MICU2: variants seen among roughly 807,000 people sequenced by gnomAD.
MICU2 encodes the protein mitochondrial calcium uptake 2.
A neutral mutation model predicts 60.4 loss-of-function variants in MICU2; 64 were observed. That is an observed-to-expected ratio of 1.06 (90% CI 0.87 to 1.31). The LOEUF (loss-of-function observed/expected upper bound fraction) is 1.31, where lower values mean the gene tolerates loss of function less well. Ranked by LOEUF, MICU2 falls within the 50% of genes most tolerant of loss-of-function variation. The probability of loss-of-function intolerance (pLI) is 0.00; values close to 1 mark genes in which losing one functional copy is unlikely to be tolerated. For missense variants in MICU2, 569 were observed against 531.0 expected, an observed-to-expected ratio of 1.07 and a Z score of -0.70; for synonymous variants, 201 against 175.0, an observed-to-expected ratio of 1.15 and a Z score of -1.17.
chr13:21,548,183 T>C (rs772435371), intron 2 of MICU2, among the ~76,000 whole-genome samples: 2 of 152,200 alleles, frequency 1.3e-5, no homozygotes, highest in African/African-American at 4.8e-5. Flanking sequence ...TGATCCATTA[T>C]ACAGAAAAAG....
chr13:21,593,772 G>A (rs1159389402), intron 1 of MICU2, among the ~76,000 whole-genome samples: 2 of 152,024 alleles, frequency 1.3e-5, no homozygotes, highest in Non-Finnish European at 2.9e-5. Context: ...ACAAAAACAA[G>A]CAATGGGGAA....
At chr13:21,545,541 T>C (rs1593337117) in intron 2 of MICU2, among the ~76,000 whole-genome samples, 1 of 151,438 alleles carries the variant, frequency 6.6e-6, no homozygotes, top group East Asian at 1.9e-4. Flanking sequence ...AATTGATGGG[T>C]GTGGTGGCGG....
intron 2 of MICU2, among the ~76,000 whole-genome samples, chr13:21,562,823 C>T (rs1383115026): frequency 6.6e-6 from 1 of 152,026 alleles, no homozygotes; most frequent in Non-Finnish European, 1.5e-5. Flanking sequence ...TCATGTATTC[C>T]TTTTCTACCT....
At chr13:21,515,106 G>A (rs1359950966) in intron 6 of MICU2, among the ~76,000 whole-genome samples, 43 of 130,162 alleles carry the variant, frequency 3.3e-4, no homozygotes, top group African/African-American at 1.5e-3. Context: ...TTTTGAGACG[G>A]AGTCTCGCTC....
Position 21,566,837 on chromosome 13 carries a change from T to C in MICU2, c.318A>G (p.Pro106=). 1.9e-6 allele frequency: 3 copies of C among 1,610,080 alleles called. No individual in the cohort carries two copies. The highest frequency in any genetic ancestry group is 2.5e-6 in the Non-Finnish European group (3 of 1,178,360). Residue 106 remains proline, a synonymous_variant, in exon 2 of 12, where the codon CCA becomes CCG. Coordinates refer to ENST00000382374, the MANE Select transcript of MICU2 (RefSeq NM_152726.3). ...LEHEGEYYMT[P]RDFLFSVMFE... is the part of the protein sequence containing the mutation. Reference sequence around the variant, plus strand: ...ACATCACTGAGAAGAGGAAGTCTCGTGGTGTCATATAATATTCTCCTTCAT... The same window carrying C: ...ACATCACTGAGAAGAGGAAGTCTCGCGGTGTCATATAATATTCTCCTTCAT...
chr13:21,494,030 C>G lies in MICU2; in HGVS notation c.1201-677G>C, dbSNP rs551441993. On this transcript the variant is annotated intron_variant, in intron 11 of 11. Coordinates refer to ENST00000382374, the MANE Select transcript of MICU2 (RefSeq NM_152726.3). ...TCTTTTTCTTATGACTGATTTACAG[C>G]TTTTCTTTTTAATGTCTTCTGAGAA... is the stretch of plus-strand genomic sequence containing the variant. 2.0e-5 allele frequency among the ~76,000 whole-genome samples: 3 copies of G among 152,210 alleles called. No individual in the cohort carries two copies. In the South Asian group the frequency reaches 6.2e-4, roughly 32 times the overall value.
At chr13:21,573,778 G>A (rs1888167566) in intron 1 of MICU2, among the ~76,000 whole-genome samples, 2 of 151,542 alleles carry the variant, frequency 1.3e-5, no homozygotes, top group Admixed American at 6.6e-5. Context: ...ACATAATTAA[G>A]ATTATTCTGA....
intron 2 of MICU2, among the ~76,000 whole-genome samples, chr13:21,542,454 C>T (rs1398745560): frequency 1.3e-5 from 2 of 152,122 alleles, no homozygotes; most frequent in African/African-American, 4.8e-5. Context: ...GGGGACACTC[C>T]TGTCTCTCTT....
chr13:21,599,654 A>T (rs1888771845), intron 1 of MICU2, among the ~76,000 whole-genome samples: 1 of 152,216 alleles, frequency 6.6e-6, no homozygotes, highest in African/African-American at 2.4e-5. Flanking sequence ...TGTCTTTTGA[A>T]TTCATCCACT....
intron 5 of MICU2, among the ~76,000 whole-genome samples, chr13:21,521,617 G>A (rs949932581): frequency 6.6e-6 from 1 of 152,124 alleles, no homozygotes; most frequent in African/African-American, 2.4e-5. Context: ...AGCTGCACTA[G>A]GGGCTTTTCT....
chr13:21,554,740 G>T (rs1354828014), intron 2 of MICU2, among the ~76,000 whole-genome samples: 1 of 152,108 alleles, frequency 6.6e-6, no homozygotes, highest in Non-Finnish European at 1.5e-5. Context: ...CCAGGAGCTG[G>T]TTTTTTGAAA....
At chr13:21,504,314 G>A (rs1886243918) in intron 8 of MICU2, among the ~76,000 whole-genome samples, 1 of 151,904 alleles carries the variant, frequency 6.6e-6, no homozygotes. Context: ...TTGCAAATGA[G>A]TGTACACTGA....
chr13:21,563,127 T>G (rs2476639), intron 2 of MICU2, among the ~76,000 whole-genome samples: 52,582 of 152,032 alleles, frequency 0.35, 9,472 homozygotes, highest in Non-Finnish European at 0.4. Flanking sequence ...CTTCTTTGGC[T>G]TCTTTCAAGA....
rs368352095 is a variant in MICU2 at position 21,503,025 on chromosome 13, C to T, written c.834G>A (p.Met278Ile). ...GCCACTCTGCAAAGTCTTCTTTTCT[C>T]ATGAAACTCAAACCTTTAGAAAACT... ...FLQFSKGLSF[M>I]RKEDFAEWLL... The change falls in exon 9 of 12, where the codon ATG becomes ATA. Residue 278 changes from methionine to isoleucine, a missense_variant. Coordinates refer to ENST00000382374, the MANE Select transcript of MICU2 (RefSeq NM_152726.3). 2.5e-6 allele frequency: 4 copies of T among 1,610,636 alleles called. No homozygotes were observed. Among genetic ancestry groups the T allele is most frequent in the African/African-American group, 1.3e-5 (1 of 74,896 alleles).
At position 21,566,788 on chromosome 13, in the gene MICU2, C is replaced by A; in HGVS notation, c.358+9G>T. ...TTTTTTAATTAAAAAAAAAAAAGAC[C>A]CAACTCACGTTCCATTTGCTCAAAC... On this transcript the variant is annotated intron_variant, in intron 2 of 11. Coordinates refer to ENST00000382374, the MANE Select transcript of MICU2 (RefSeq NM_152726.3). 3.3e-6 allele frequency: 5 copies of A among 1,534,434 alleles called. No homozygotes were observed. The highest frequency in any genetic ancestry group is 2.5e-5 in the South Asian group (2 of 78,522).
At chr13:21,580,222 G>A (rs1020645938) in intron 1 of MICU2, among the ~76,000 whole-genome samples, 1 of 152,126 alleles carries the variant, frequency 6.6e-6, no homozygotes, top group Non-Finnish European at 1.5e-5. Context: ...CATTTGCCCA[G>A]GCAGCAGTGA....
chr13:21,528,169 ATTTTC>A, intron 4 of MICU2, among the ~76,000 whole-genome samples: 1 of 152,192 alleles, frequency 6.6e-6, no homozygotes, highest in South Asian at 2.1e-4. Flanking sequence ...TTGGTAAATT[ATTTTC>A]TTATTTTAGG....
At chr13:21,557,429 C>A (rs960658648) in intron 2 of MICU2, among the ~76,000 whole-genome samples, 3 of 152,158 alleles carry the variant, frequency 2.0e-5, no homozygotes, top group Non-Finnish European at 4.4e-5. Flanking sequence ...GAGGATGACA[C>A]TGATTTCCCT....
chr13:21,514,062 T>C (rs9550742), intron 7 of MICU2, among the ~76,000 whole-genome samples: 32,412 of 152,128 alleles, frequency 0.21, 4,426 homozygotes, highest in East Asian at 0.66. Flanking sequence ...CAGTCATGTA[T>C]TGCTGAGAAA....
Sources: allele counts gnomAD v4.1 joint callset (sites outside exome capture counted in the v4.1 genomes callset), GRCh38; gene constraint gnomAD v4.1.1; transcripts MANE v1.5; gene names NCBI Gene and HGNC (gene_info 2026-07-23, HGNC 2026-07-21).